CFAP299: variants seen among roughly 807,000 people sequenced by gnomAD.
CFAP299 encodes the protein cilia- and flagella-associated protein 299.
CFAP299 carries 21 observed loss-of-function variants against 27.0 expected under a neutral mutation model. That is an observed-to-expected ratio of 0.78 (90% CI 0.55 to 1.12). The LOEUF (loss-of-function observed/expected upper bound fraction) is 1.12, where lower values mean the gene tolerates loss of function less well. Ranked by LOEUF, CFAP299 falls within the 50% of genes most tolerant of loss-of-function variation. The pLI, the probability that CFAP299 is intolerant of heterozygous loss-of-function variation, is 0.00. For missense variants in CFAP299, 310 were observed against 276.6 expected (o/e 1.12, Z -0.86); for synonymous variants, 104 against 98.1 (o/e 1.06, Z -0.36).
intron 1 of CFAP299, among the ~76,000 whole-genome samples, chr4:80,344,853 A>G (rs1722646463): frequency 6.6e-6 from 1 of 152,186 alleles, no homozygotes; most frequent in Non-Finnish European, 1.5e-5. Flanking sequence ...AAATTAATAG[A>G]TGTAATTCAT....
chr4:80,668,848 G>A (rs927837402), intron 3 of CFAP299, among the ~76,000 whole-genome samples: 9 of 152,006 alleles, frequency 5.9e-5, no homozygotes, highest in African/African-American at 2.2e-4. Flanking sequence ...CTACTTCTGT[G>A]AAGCATGACA....
At chr4:80,324,200 C>T in the CFAP299 span, among the ~76,000 whole-genome samples, 4 of 151,946 alleles carry the variant, frequency 2.6e-5, no homozygotes, top group Admixed American at 1.3e-4. Flanking sequence ...CGTGAAGAAA[C>T]GATATTCTTA....
chr4:80,849,341 A>G (rs1731368343), intron 3 of CFAP299, among the ~76,000 whole-genome samples: 1 of 152,192 alleles, frequency 6.6e-6, no homozygotes. Context: ...TTGTTAACCA[A>G]AATGCTGTTA....
intron 2 of CFAP299, among the ~76,000 whole-genome samples, chr4:80,538,961 T>G (rs1733874726): frequency 6.6e-6 from 1 of 152,176 alleles, no homozygotes; most frequent in African/African-American, 2.4e-5. Context: ...CCTTAATAGG[T>G]TTTTAGTTGG....
intron 5 of CFAP299, among the ~76,000 whole-genome samples, chr4:80,947,619 T>C (rs1238301549): frequency 6.6e-6 from 1 of 152,140 alleles, no homozygotes; most frequent in East Asian, 1.9e-4. Flanking sequence ...CATATTTTAA[T>C]AAGAAGCCTG....
At chr4:80,899,975 G>C (rs1734804175) in intron 4 of CFAP299, among the ~76,000 whole-genome samples, 1 of 152,072 alleles carries the variant, frequency 6.6e-6, no homozygotes, top group Non-Finnish European at 1.5e-5. Context: ...GACTTTATAA[G>C]AACAGTTTCA....
intron 2 of CFAP299, among the ~76,000 whole-genome samples, chr4:80,571,914 T>A (rs1274887658): frequency 1.3e-5 from 2 of 152,176 alleles, no homozygotes; most frequent in Non-Finnish European, 2.9e-5. Flanking sequence ...GTGTATGCCA[T>A]TTGCCACGGC....
At chr4:80,493,823 C>T (rs890625659) in intron 2 of CFAP299, among the ~76,000 whole-genome samples, 21 of 122,390 alleles carry the variant, frequency 1.7e-4, no homozygotes, top group African/African-American at 2.8e-4. Flanking sequence ...GGCCAGACTG[C>T]GGACTGCAGT....
At chr4:80,880,317 G>A (rs957741361) in intron 4 of CFAP299, among the ~76,000 whole-genome samples, 3 of 151,914 alleles carry the variant, frequency 2.0e-5, no homozygotes, top group East Asian at 1.9e-4. Flanking sequence ...GAAGGTGGGG[G>A]AATGTCAGCA....
At chr4:80,800,558 T>C (rs1444663597) in intron 3 of CFAP299, among the ~76,000 whole-genome samples, 4 of 39,694 alleles carry the variant, frequency 1.0e-4, no homozygotes, top group African/African-American at 6.1e-4. Flanking sequence ...ATCAATATAT[T>C]ATATAATATA....
At chr4:80,927,430 T>C (rs1305485450) in intron 4 of CFAP299, among the ~76,000 whole-genome samples, 2 of 152,080 alleles carry the variant, frequency 1.3e-5, no homozygotes, top group Non-Finnish European at 2.9e-5. Context: ...TCTAATATAT[T>C]GGTTTCCTAC....
At chr4:80,546,504 C>T (rs1734235779) in intron 2 of CFAP299, among the ~76,000 whole-genome samples, 1 of 152,124 alleles carries the variant, frequency 6.6e-6, no homozygotes, top group African/African-American at 2.4e-5. Flanking sequence ...AAAAGCATTC[C>T]ATGTCCATGG....
intron 4 of CFAP299, among the ~76,000 whole-genome samples, chr4:80,941,645 T>A (rs1737200332): frequency 6.6e-6 from 1 of 151,970 alleles, no homozygotes; most frequent in Non-Finnish European, 1.5e-5. Flanking sequence ...CATCTGAGAC[T>A]GGGTCATTTA....
intron 3 of CFAP299, among the ~76,000 whole-genome samples, chr4:80,596,568 A>G (rs1051242593): frequency 1.3e-5 from 2 of 151,806 alleles, no homozygotes; most frequent in Non-Finnish European, 2.9e-5. Flanking sequence ...GATACTCCCT[A>G]TACAGTGTCT....
At chr4:80,334,232 G>A (rs1722039575), upstream of CFAP299, among the ~76,000 whole-genome samples, 1 of 152,146 alleles carries the variant, frequency 6.6e-6, no homozygotes, top group East Asian at 1.9e-4. Flanking sequence ...AATCACAATT[G>A]ATATAATAGA....
At chr4:80,902,525 CAA>C (rs1178796325) in intron 4 of CFAP299, among the ~76,000 whole-genome samples, 1 of 112,620 alleles carries the variant, frequency 8.9e-6, no homozygotes, top group Non-Finnish European at 1.6e-5. Flanking sequence ...TGTATGGATA[CAA>C]ATATATATTT....
chr4:80,417,174 T>G (rs1038989155), intron 2 of CFAP299, among the ~76,000 whole-genome samples: 2 of 152,212 alleles, frequency 1.3e-5, no homozygotes, highest in Non-Finnish European at 2.9e-5. Flanking sequence ...ATGGCATTTG[T>G]AAACTGTCAT....
At chr4:80,454,923 T>C (rs930340072) in intron 2 of CFAP299, among the ~76,000 whole-genome samples, 1 of 151,426 alleles carries the variant, frequency 6.6e-6, no homozygotes, top group African/African-American at 2.4e-5. Flanking sequence ...TCATAGGGAG[T>C]TGAAGCCTCT....
chr4:80,454,587 A>G (rs1239608025), intron 2 of CFAP299, among the ~76,000 whole-genome samples: 1 of 152,214 alleles, frequency 6.6e-6, no homozygotes, highest in African/African-American at 2.4e-5. Context: ...ATGTAAAGAT[A>G]ACTAAGGTTT....
Sources: allele counts gnomAD v4.1 joint callset (sites outside exome capture counted in the v4.1 genomes callset), GRCh38; gene constraint gnomAD v4.1.1; transcripts MANE v1.5; gene names NCBI Gene and HGNC (gene_info 2026-07-23, HGNC 2026-07-21).